The following GABRB3 variants were observed in gnomAD, a reference collection of about 807,000 sequenced individuals.
The protein encoded by GABRB3 is gamma-aminobutyric acid receptor subunit beta-3.
GABRB3 carries 14 observed loss-of-function variants against 52.1 expected under a neutral mutation model. The ratio of observed to expected loss-of-function variants is 0.27; its 90% CI spans 0.18 to 0.42. GABRB3 has a LOEUF of 0.42. Among genes scored for constraint, GABRB3 ranks in the 10% least tolerant of loss-of-function variants. The pLI is 1.00. For missense variants in GABRB3, 307 were observed against 609.1 expected, an observed-to-expected ratio of 0.50 and a Z score of 5.22; for synonymous variants, 260 against 232.3, an observed-to-expected ratio of 1.12 and a Z score of -1.08.
chr15:26,568,584 A>G (rs1463550604), intron 6 of GABRB3, among the ~76,000 whole-genome samples: 1 of 123,858 alleles, frequency 8.1e-6, no homozygotes, highest in Non-Finnish European at 1.7e-5. Flanking sequence ...TGCAACCTCC[A>G]CCTCCCTGGT....
At position 26,761,159 on chromosome 15, in the gene GABRB3, C is replaced by T. The variant is rs1232093141; in HGVS notation, c.240+11243G>A. 2.6e-5 allele frequency among the ~76,000 whole-genome samples: 4 copies of T among 152,246 alleles called. No homozygotes were observed. The South Asian group carries it at 6.2e-4, about 24-fold the overall frequency. On this transcript the variant is annotated intron_variant, in intron 3 of 8. Transcript: ENST00000311550. The stretch of plus-strand genomic sequence containing the variant: ...CCTATAATCTTAGCACTTTGGGAGG[C>T]CAAGGCAGGCGGATCACCAGGTCAG...
intron 3 of GABRB3, among the ~76,000 whole-genome samples, chr15:26,630,714 C>G (rs577299414): frequency 8.5e-5 from 13 of 152,222 alleles, no homozygotes; most frequent in Non-Finnish European, 1.5e-4. Flanking sequence ...GATCATAAAG[C>G]CCTTTGATAA....
At chr15:26,751,982 C>T (rs777408525) in intron 3 of GABRB3, among the ~76,000 whole-genome samples, 1 of 152,118 alleles carries the variant, frequency 6.6e-6, no homozygotes, top group Admixed American at 6.6e-5. Flanking sequence ...GCATGTCTGC[C>T]TCTCCCAAGA....
At chr15:26,669,839 T>A (rs188939734) in intron 3 of GABRB3, among the ~76,000 whole-genome samples, 120 of 152,360 alleles carry the variant, frequency 7.9e-4, no homozygotes, top group Non-Finnish European at 1.4e-3. Flanking sequence ...GTTCTTGTTT[T>A]GATCCTGATC....
At chr15:26,684,932 C>T (rs1314271300) in intron 3 of GABRB3, among the ~76,000 whole-genome samples, 9 of 152,180 alleles carry the variant, frequency 5.9e-5, no homozygotes, top group East Asian at 1.9e-4. Flanking sequence ...ACACTCAATG[C>T]GCACATGCTA....
At position 26,630,161 on chromosome 15, in the gene GABRB3, A is replaced by C. The variant is rs145736994; in HGVS notation, c.241-8627T>G. 9.1e-4 allele frequency among the ~76,000 whole-genome samples: 138 copies of C among 152,220 alleles called. 2 individuals carry two copies. Among genetic ancestry groups the C allele is most frequent in the African/African-American group, 3.2e-3 (133 of 41,564 alleles). ...TTCCTCGGCCAGGCTCCCGGAGGTGAGGCTCTTTCCTCTGGGTGGGCAGGA... is the reference window on the plus strand; with the variant it reads ...TTCCTCGGCCAGGCTCCCGGAGGTGCGGCTCTTTCCTCTGGGTGGGCAGGA... On this transcript the variant is annotated intron_variant, in intron 3 of 8. Coordinates refer to ENST00000311550, the MANE Select transcript of GABRB3 (RefSeq NM_000814.6).
rs146166564 is a variant in GABRB3, at chr15:26,763,497, A to C, written c.240+8905T>G. Among the ~76,000 whole-genome samples the C allele has an allele frequency of 5.1e-3, 775 of 152,198 alleles. 4 individuals are homozygous for C. Among genetic ancestry groups the C allele is most frequent in the African/African-American group, 0.017 (720 of 41,514 alleles). ...TACTTTTGGCCTGATATATGGATTT[A>C]TCTCTCACATAGAGAATTACAGTCA... is the stretch of plus-strand genomic sequence containing the variant. On this transcript the variant is annotated intron_variant, in intron 3 of 8. Transcript: ENST00000311550.
chr15:26,548,111 C>T lies in GABRB3; in HGVS notation c.1104G>A (p.Leu368=), dbSNP rs777145235. ...CATTGTGAACTTCCAGCGATGTCAA[C>T]AGAATATTTCCATGAGCATCCACCT... ...SNRVDAHGNI[L]LTSLEVHNEM... Residue 368 remains leucine, a synonymous_variant, in exon 9 of 9, where the codon CTG becomes CTA. Coordinates refer to ENST00000311550, the MANE Select transcript of GABRB3 (RefSeq NM_000814.6). The T allele has an allele frequency of 6.2e-7, 1 of 1,614,024 alleles. No homozygotes were observed. Among genetic ancestry groups the T allele is most frequent in the African/African-American group, 1.3e-5 (1 of 74,922 alleles).
rs1447048279 is a variant in GABRB3, at chr15:26,720,923, T to C, written c.240+51479A>G. Reference sequence around the variant, plus strand: ...AAGTGTTAAAAAAATGTTAATATTATCATTGGCCCAAATAAGGCACTCAAA... The same window carrying C: ...AAGTGTTAAAAAAATGTTAATATTACCATTGGCCCAAATAAGGCACTCAAA... On this transcript the variant is annotated intron_variant, in intron 3 of 8. Coordinates refer to ENST00000311550, the MANE Select transcript of GABRB3 (RefSeq NM_000814.6). Among the ~76,000 whole-genome samples the C allele has an allele frequency of 2.6e-5, 4 of 152,184 alleles. 1 individual carries two copies. Among genetic ancestry groups the C allele is most frequent in the Admixed American group, 1.3e-4 (2 of 15,286 alleles).
At chr15:26,557,546 A>G (rs1314537937) in intron 8 of GABRB3, 1 of 152,210 alleles carries the variant, frequency 6.6e-6, no homozygotes, top group Middle Eastern at 3.2e-3. Flanking sequence ...TACTTGATAT[A>G]AACTTTTTGG....
At chr15:26,772,520 G>A (rs1045551246) in intron 2 of GABRB3, 51 bp from the exon 3 acceptor site, 16 of 1,578,872 alleles carry the variant, frequency 1.0e-5, no homozygotes, top group African/African-American at 1.4e-5. Flanking sequence ...CGCGGGGCGC[G>A]GGCGGCTCTG....
At chr15:26,633,431 A>G (rs1415996498) in intron 3 of GABRB3, among the ~76,000 whole-genome samples, 1 of 152,058 alleles carries the variant, frequency 6.6e-6, no homozygotes, top group African/African-American at 2.4e-5. Flanking sequence ...GTCAAGTGTA[A>G]TGCCCAACCT....
chr15:26,626,577 G>A lies in GABRB3; in HGVS notation c.241-5043C>T, dbSNP rs374083752. 7.4e-4 allele frequency among the ~76,000 whole-genome samples: 113 copies of A among 152,306 alleles called. 1 individual carries two copies. The South Asian group carries it at 0.022, about 29-fold the overall frequency. Reference sequence around the variant, plus strand: ...AGGAAATTAAAAGTGCTACTCTGGGGAATGATAAGAAAGTCCAACAGCCTT... The same window carrying A: ...AGGAAATTAAAAGTGCTACTCTGGGAAATGATAAGAAAGTCCAACAGCCTT... On this transcript the variant is annotated intron_variant, in intron 3 of 8. Coordinates refer to ENST00000311550, the MANE Select transcript of GABRB3 (RefSeq NM_000814.6).
chr15:26,626,891 A>T (rs563322518), intron 3 of GABRB3, among the ~76,000 whole-genome samples: 9 of 152,358 alleles, frequency 5.9e-5, no homozygotes, highest in Middle Eastern at 3.4e-3. Context: ...ACACTAAACA[A>T]CAGGTTTTCA....
intron 3 of GABRB3, among the ~76,000 whole-genome samples, chr15:26,732,517 C>A (rs1889956136): frequency 6.6e-6 from 1 of 151,916 alleles, no homozygotes; most frequent in African/African-American, 2.4e-5. Context: ...TGTTTGAGAC[C>A]AGGATTTCAA....
chr15:26,765,872 G>C (rs936975587), intron 3 of GABRB3, among the ~76,000 whole-genome samples: 3 of 152,166 alleles, frequency 2.0e-5, no homozygotes, highest in Admixed American at 2.0e-4. Flanking sequence ...CCTTAATGGA[G>C]CATCTTTTGT....
rs200507900 is a variant in GABRB3, at chr15:26,583,363, G to A, written c.513C>T (p.Asp171=). The A allele has an allele frequency of 2.2e-5, 36 of 1,613,896 alleles. No homozygotes were observed. The highest frequency in any genetic ancestry group is 8.8e-5 in the South Asian group (8 of 91,064). Reference sequence around the variant, plus strand: ...CAATTTCCAGAGTGCAGTTCTGCTCGTCCAGGGGGTATCTCCTGAGGTCCA... The same window carrying A: ...CAATTTCCAGAGTGCAGTTCTGCTCATCCAGGGGGTATCTCCTGAGGTCCA... ...CMMDLRRYPL[D]EQNCTLEIES... The change falls in exon 5 of 9, where the codon GAC becomes GAT. Residue 171 remains aspartate (D), a synonymous_variant. Transcript: ENST00000311550.
intron 3 of GABRB3, among the ~76,000 whole-genome samples, chr15:26,727,449 C>A (rs1045069500): frequency 2.4e-4 from 37 of 152,108 alleles, no homozygotes; most frequent in African/African-American, 8.9e-4. Flanking sequence ...CCGATTTGGC[C>A]ATCAGGAGAC....
chr15:26,773,064 G>A lies in GABRB3; in HGVS notation c.-102C>T. ...CTGCCGCCGCCGCCGCCGCCGCCGC[G>A]CTGGCCCGGAGCGGAGGAGGGCGGA... On this transcript the variant is annotated 5_prime_UTR_variant, in exon 1 of 9. Transcript: ENST00000311550. 5 of 1,054,478 alleles carry A rather than the reference G, an allele frequency of 4.7e-6. No individual in the cohort carries two copies. The highest frequency in any genetic ancestry group is 5.7e-6 in the Non-Finnish European group (5 of 873,640). 65.3% of individuals were successfully genotyped at this position (1,054,478 alleles called of 1,614,324 possible). A position where few individuals can be genotyped will look rare whatever the true frequency, so the allele number is the denominator to read the frequency against.
Sources: allele counts gnomAD v4.1 joint callset (sites outside exome capture counted in the v4.1 genomes callset), GRCh38; gene constraint gnomAD v4.1.1; transcripts MANE v1.5; gene names NCBI Gene and HGNC (gene_info 2026-07-23, HGNC 2026-07-21).